Variants in CENPE observed in about 807,000 individuals in gnomAD.
CENPE encodes centromere protein E.
CENPE carries 145 observed loss-of-function variants against 336.1 expected under a neutral mutation model. That is an observed-to-expected ratio of 0.43 (90% CI 0.38 to 0.50). The LOEUF is 0.50. Among genes scored for constraint, CENPE ranks in the 20% least tolerant of loss-of-function variants. The pLI, the probability that CENPE is intolerant of heterozygous loss-of-function variation, is 0.00. For missense variants in CENPE, 2,719 were observed against 3,023.3 expected, an observed-to-expected ratio of 0.90 and a Z score of 2.36; for synonymous variants, 1,013 against 984.8, an observed-to-expected ratio of 1.03 and a Z score of -0.54.
At chr4:103,120,741 A>AC in intron 43 of CENPE, among the ~76,000 whole-genome samples, 1 of 147,750 alleles carries the variant, frequency 6.8e-6, no homozygotes, top group South Asian at 2.1e-4. Flanking sequence ...AATTTTATTA[A>AC]TTTTTTTTTT....
At chr4:103,183,619 T>C (rs1350451289) in intron 9 of CENPE, among the ~76,000 whole-genome samples, 1 of 152,162 alleles carries the variant, frequency 6.6e-6, no homozygotes, top group Non-Finnish European at 1.5e-5. Context: ...CATCTAAATA[T>C]AGGCAACTAT....
chr4:103,174,898 A>G lies in CENPE; in HGVS notation c.1485T>C (p.Asn495=). The change falls in exon 16 of 49, where the codon AAT becomes AAC. Residue 495 remains asparagine, a synonymous_variant. Transcript: ENST00000265148. ...NPATKLLNQE[N]IESELNSLRA... is the part of the protein sequence containing the mutation. ...GAAGTGAGTTCAACTCACTTTCTAT[A>G]TTCTCCTATTATAAACAAGAACAGA... 5 of 1,458,070 alleles carry G rather than the reference A, an allele frequency of 3.4e-6. No homozygotes were observed. Among genetic ancestry groups the G allele is most frequent in the Non-Finnish European group, 4.5e-6 (5 of 1,105,454 alleles). 90.3% of individuals were successfully genotyped at this position (1,458,070 alleles called of 1,614,324 possible). A position where few individuals can be genotyped will look rare whatever the true frequency, so the allele number is the denominator to read the frequency against.
chr4:103,173,186 C>T (rs375005042), intron 16 of CENPE, among the ~76,000 whole-genome samples: 5 of 151,760 alleles, frequency 3.3e-5, no homozygotes, highest in African/African-American at 7.3e-5. Context: ...ACAGAGAACG[C>T]GGAAATAAAT....
chr4:103,155,077 G>A (rs1049431695), intron 24 of CENPE, among the ~76,000 whole-genome samples: 2 of 152,092 alleles, frequency 1.3e-5, no homozygotes, highest in Non-Finnish European at 2.9e-5. Context: ...TGAACAGAAT[G>A]GCCTCAGAAA....
At chr4:103,194,206 T>A in intron 8 of CENPE, 23 bp downstream of exon 8, 1 of 1,592,562 alleles carries the variant, frequency 6.3e-7, no homozygotes, top group Non-Finnish European at 8.6e-7. Flanking sequence ...TACAGTACAT[T>A]ATTATGGTTC....
intron 8 of CENPE, among the ~76,000 whole-genome samples, chr4:103,189,575 T>G (rs1044735970): frequency 6.6e-6 from 1 of 152,200 alleles, no homozygotes; most frequent in African/African-American, 2.4e-5. Flanking sequence ...GAAAAGGCCT[T>G]TAACAAAATT....
chr4:103,167,991 A>G (rs1328274183), intron 16 of CENPE, among the ~76,000 whole-genome samples: 1 of 152,128 alleles, frequency 6.6e-6, no homozygotes, highest in East Asian at 1.9e-4. Context: ...CTGCTTGCAC[A>G]AGGACCCAGA....
Position 103,149,209 on chromosome 4 carries a change from G to A in CENPE, c.3596C>T (p.Thr1199Ile), listed in dbSNP as rs747123870. 9.9e-6 allele frequency: 16 copies of A among 1,611,960 alleles called. 1 individual carries two copies. Among genetic ancestry groups the A allele is most frequent in the Non-Finnish European group, 1.3e-5 (15 of 1,179,614 alleles). ...NENYEEVKSITKERKVLKELQ... is the reference protein window; with the variant it reads ...NENYEEVKSIIKERKVLKELQ... ...TTCCTTTAGAACTTTTCTTTCTTTG[G>A]TTATAGATTTCACTTCCTCATAATT... The change falls in exon 27 of 49, where the codon ACC (threonine) becomes ATC (isoleucine). Residue 1199 changes from threonine (T) to isoleucine (I), a missense_variant. Coordinates refer to ENST00000265148, the MANE Select transcript of CENPE (RefSeq NM_001813.3).
intron 42 of CENPE, among the ~76,000 whole-genome samples, chr4:103,132,138 C>T (rs1399291078): frequency 6.6e-6 from 1 of 152,114 alleles, no homozygotes; most frequent in Non-Finnish European, 1.5e-5. Context: ...GTAGGTTCAT[C>T]GATTGTGCCA....
chr4:103,151,143 G>A (rs1335630367), intron 26 of CENPE, 76 bp downstream of exon 26: 2 of 1,331,700 alleles, frequency 1.5e-6, no homozygotes, highest in Non-Finnish European at 1.0e-6. Context: ...CTGGATTTAG[G>A]TCTACAGAAA....
chr4:103,166,069 A>G (rs1270358718), intron 16 of CENPE, among the ~76,000 whole-genome samples: 1 of 152,096 alleles, frequency 6.6e-6, no homozygotes, highest in African/African-American at 2.4e-5. Flanking sequence ...TTAATATATT[A>G]ATGATGTGAG....
rs553840343 is a variant in CENPE, at chr4:103,194,808, T to C, written c.478-124A>G. The C allele has an allele frequency of 4.9e-5, 33 of 673,830 alleles. No individual in the cohort carries two copies. The South Asian group carries it at 7.3e-4, about 15-fold the overall frequency. 41.7% of individuals were successfully genotyped at this position (673,830 alleles called of 1,614,324 possible). A position where few individuals can be genotyped will look rare whatever the true frequency, so the allele number is the denominator to read the frequency against. On this transcript the variant is annotated intron_variant, in intron 5 of 48. Transcript: ENST00000265148. ...TTAAAAGTGGCAAATGGAACCATAA[T>C]TCTGTAGGAATGTAACAAATAATTC...
chr4:103,138,150 T>TA (rs1752226948), intron 39 of CENPE, among the ~76,000 whole-genome samples: 1 of 152,324 alleles, frequency 6.6e-6, no homozygotes, highest in African/African-American at 2.4e-5. Flanking sequence ...GGTGAGGACT[T>TA]AAATTCACAA....
chr4:103,142,728 G>A (rs567229639), intron 34 of CENPE, among the ~76,000 whole-genome samples: 1 of 152,202 alleles, frequency 6.6e-6, no homozygotes, highest in South Asian at 2.1e-4. Flanking sequence ...AAGAAGTTGA[G>A]GCTGGGCCTG....
At chr4:103,158,022 C>T (rs1224365779) in intron 24 of CENPE, among the ~76,000 whole-genome samples, 2 of 151,828 alleles carry the variant, frequency 1.3e-5, no homozygotes, top group South Asian at 2.1e-4. Flanking sequence ...GAATTTTAAA[C>T]TCTAAGCAAG....
In CENPE at chr4:103,133,859, CTTCTT is replaced by C; in HGVS notation, c.6551_6555del (p.Lys2184ArgfsTer4). On this transcript the variant is annotated frameshift_variant, in exon 41 of 49. Coordinates refer to ENST00000265148, the MANE Select transcript of CENPE (RefSeq NM_001813.3). LOFTEE classifies it high-confidence loss of function. The stretch of plus-strand genomic sequence containing the variant: ...AATTTATTGATGGATTCATGTTGTT[CTTCTT>C]TTATTTTTGTAACATAGCTTAACAC... 1 of 1,592,920 alleles carries C rather than the reference CTTCTT, an allele frequency of 6.3e-7. No homozygotes were observed. Among genetic ancestry groups the C allele is most frequent in the Non-Finnish European group, 8.6e-7 (1 of 1,165,904 alleles).
chr4:103,154,025 G>A (rs560071979), intron 24 of CENPE, among the ~76,000 whole-genome samples: 125 of 152,126 alleles, frequency 8.2e-4, no homozygotes, highest in African/African-American at 2.8e-3. Context: ...AACCTAATAC[G>A]TGAACTTATT....
chr4:103,151,367 T>G lies in CENPE; in HGVS notation c.3248A>C (p.Asn1083Thr). 1 of 1,576,602 alleles carries G rather than the reference T, an allele frequency of 6.3e-7. No individual in the cohort carries two copies. ...LKENIEMTIE[N>T]QEELRLLGDE... is the part of the protein sequence containing the mutation. Reference sequence around the variant, plus strand: ...CCCAAGAAGTCTTAATTCTTCCTGGTTTTCAATGGTCTAGAAAGAAAAAAA... The same window carrying G: ...CCCAAGAAGTCTTAATTCTTCCTGGGTTTCAATGGTCTAGAAAGAAAAAAA... Residue 1083 changes from asparagine (N) to threonine (T), a missense_variant, in exon 26 of 49, where the codon AAC becomes ACC. Physicochemically the swap from Asn to Thr is moderately conservative, Grantham distance 65 (BLOSUM62 0). This residue lies in a region of CENPE where 2,437 missense variants were observed against 2,513.3 expected (regional missense o/e 0.97). Coordinates refer to ENST00000265148, the MANE Select transcript of CENPE (RefSeq NM_001813.3).
At chr4:103,177,172 T>C (rs962374772) in intron 13 of CENPE, 126 bp from the exon 14 acceptor site, 6 of 735,624 alleles carry the variant, frequency 8.2e-6, no homozygotes, top group Non-Finnish European at 1.3e-5. Flanking sequence ...TAGTTTAAAA[T>C]TTTATTAGTC....
Sources: gnomAD v4.1 joint callset for allele counts (sites outside exome capture counted in the v4.1 genomes callset) on GRCh38, gnomAD v4.1.1 for gene constraint, gnomAD v4.1.1 regional missense constraint, MANE v1.5 for transcripts, NCBI Gene and HGNC (gene_info 2026-07-23, HGNC 2026-07-21) for gene names.